PPIP5K1: variants seen among roughly 807,000 people sequenced by gnomAD.
The protein encoded by PPIP5K1 is diphosphoinositol pentakisphosphate kinase 1, also known as inositol hexakisphosphate and diphosphoinositol-pentakisphosphate kinase 1.
Under a neutral mutation model 27.7 loss-of-function variants are expected in PPIP5K1, and 6 were observed. The ratio of observed to expected loss-of-function variants is 0.22; its 90% CI spans 0.12 to 0.43. The LOEUF (loss-of-function observed/expected upper bound fraction) is 0.43, where lower values mean the gene tolerates loss of function less well. Ranked by LOEUF, PPIP5K1 falls within the 20% of genes least tolerant of loss-of-function variation. PPIP5K1 has a pLI of 1.00. For synonymous variants in PPIP5K1, 145 were observed against 242.6 expected (o/e 0.60, Z 3.74); for missense variants, 394 against 635.4 (o/e 0.62, Z 4.08).
intron 30 of PPIP5K1, among the ~76,000 whole-genome samples, chr15:43,540,386 A>G (rs1308292588): frequency 6.6e-6 from 1 of 152,034 alleles, no homozygotes; most frequent in East Asian, 1.9e-4. Flanking sequence ...CAACATGGAG[A>G]AACCCCGTCT....
intron 30 of PPIP5K1, among the ~76,000 whole-genome samples, chr15:43,551,689 G>A (rs1156496907): frequency 4.2e-4 from 50 of 118,800 alleles, no homozygotes; most frequent in Admixed American, 1.4e-3. Context: ...TGCAAGCTCC[G>A]CCTCCCGGGT....
intron 30 of PPIP5K1, among the ~76,000 whole-genome samples, chr15:43,550,538 T>A (rs952227297): frequency 6.6e-6 from 1 of 152,210 alleles, no homozygotes; most frequent in African/African-American, 2.4e-5. Context: ...GACTTCTTTG[T>A]GATTTTATAT....
chr15:43,548,871 G>GA lies in PPIP5K1; in HGVS notation c.3557-9289dup, dbSNP rs560378579. Among the ~76,000 whole-genome samples the GA allele has an allele frequency of 1.4e-4, 21 of 149,756 alleles. No homozygotes were observed. In the South Asian group the frequency reaches 4.0e-3, roughly 29 times the overall value. ...TGAAACCCTGTCTCTACTAAAATTA[G>GA]AAAAAAATTAGCTGGGCATGATGGC... On this transcript the variant is annotated intron_variant, in intron 30 of 31. Transcript: ENST00000420765.
chr15:43,551,003 A>G (rs2082119950), intron 30 of PPIP5K1, among the ~76,000 whole-genome samples: 1 of 152,148 alleles, frequency 6.6e-6, no homozygotes, highest in South Asian at 2.1e-4. Context: ...TTGGTTTGCT[A>G]GCATTTTGTT....
chr15:43,581,147 A>G, intron 9 of PPIP5K1, 24 bp from the exon 10 acceptor site: 2 of 1,557,748 alleles, frequency 1.3e-6, no homozygotes, highest in Non-Finnish European at 1.7e-6. Context: ...AAGAAAGATG[A>G]GAACAAGACA....
At chr15:43,558,711 C>G (rs1595867395) in intron 30 of PPIP5K1, 84 bp downstream of exon 30, 2 of 1,558,834 alleles carry the variant, frequency 1.3e-6, no homozygotes, top group East Asian at 4.5e-5. Context: ...GCCTAACTAG[C>G]TTTCTAATTT....
chr15:43,538,754 T>C (rs908746968), intron 31 of PPIP5K1, among the ~76,000 whole-genome samples: 1 of 152,068 alleles, frequency 6.6e-6, no homozygotes, highest in Non-Finnish European at 1.5e-5. Context: ...CCTCGTGATC[T>C]GCCCGCCTCG....
intron 31 of PPIP5K1, chr15:43,536,031 T>C (rs1264195924): frequency 8.5e-7 from 1 of 1,179,082 alleles, no homozygotes; most frequent in Non-Finnish European, 1.1e-6. Flanking sequence ...AATCAATGTA[T>C]TTCTGGGGCA....
intron 30 of PPIP5K1, among the ~76,000 whole-genome samples, chr15:43,545,959 C>G (rs2081321634): frequency 6.6e-6 from 1 of 151,820 alleles, no homozygotes; most frequent in South Asian, 2.1e-4. Context: ...GCCTATGGAG[C>G]AGCCATTCTT....
chr15:43,553,927 G>A (rs963219839), intron 30 of PPIP5K1, among the ~76,000 whole-genome samples: 4 of 152,158 alleles, frequency 2.6e-5, no homozygotes, highest in Non-Finnish European at 2.9e-5. Context: ...TTACAGGTGT[G>A]AGCCACCTCG....
At chr15:43,543,874 A>C (rs1464729787) in intron 30 of PPIP5K1, among the ~76,000 whole-genome samples, 1 of 151,724 alleles carries the variant, frequency 6.6e-6, no homozygotes, top group East Asian at 1.9e-4. Flanking sequence ...ATCACTATTA[A>C]CAATTAAACT....
chr15:43,547,526 T>C (rs772136940), intron 30 of PPIP5K1, among the ~76,000 whole-genome samples: 19 of 152,360 alleles, frequency 1.2e-4, no homozygotes, highest in Non-Finnish European at 2.2e-4. Context: ...TGAGTTAATA[T>C]TTTCATATGA....
intron 30 of PPIP5K1, among the ~76,000 whole-genome samples, chr15:43,551,637 C>G (rs2082214483): frequency 1.1e-5 from 1 of 94,952 alleles, no homozygotes; most frequent in Non-Finnish European, 1.9e-5. Context: ...GAGTCTCGCT[C>G]TGTCGCCCAG....
At chr15:43,540,526 G>T (rs570891632) in intron 30 of PPIP5K1, among the ~76,000 whole-genome samples, 38 of 151,318 alleles carry the variant, frequency 2.5e-4, no homozygotes, top group African/African-American at 9.0e-4. Context: ...GTGAAACCCC[G>T]TCTCTACTAA....
In PPIP5K1 at chr15:43,537,706, A is replaced by G. The variant is rs868634503; in HGVS notation, c.3670+1764T>C. The stretch of plus-strand genomic sequence containing the variant: ...TCCATCTCAAAAAAAAAAAAAAAAA[A>G]AGAGAGAGAGAGAGAGAGAGAGAGA... On this transcript the variant is annotated intron_variant, in intron 31 of 31. Transcript: ENST00000420765. Among the ~76,000 whole-genome samples the G allele has an allele frequency of 3.1e-3, 399 of 126,682 alleles. 7 individuals carry two copies. The highest frequency in any genetic ancestry group is 0.012 in the African/African-American group (344 of 28,762). The allele number at this position is 126,682 out of a possible 152,430, so 83.1% of individuals were successfully genotyped here. A position where few individuals can be genotyped will look rare whatever the true frequency, so the allele number is the denominator to read the frequency against.
At chr15:43,552,246 C>T (rs538970268) in intron 30 of PPIP5K1, among the ~76,000 whole-genome samples, 1 of 152,200 alleles carries the variant, frequency 6.6e-6, no homozygotes, top group Non-Finnish European at 1.5e-5. Flanking sequence ...TGAGCCACTA[C>T]ACCTGGCCCT....
chr15:43,558,935 G>A lies in PPIP5K1; in HGVS notation c.3419-3C>T, dbSNP rs1029307576. 1.2e-6 allele frequency: 2 copies of A among 1,613,172 alleles called. No individual in the cohort carries two copies. The highest frequency in any genetic ancestry group is 1.7e-6 in the Non-Finnish European group (2 of 1,179,974). ...CACCATGGAACACCCTTCAAACCCTGTTTGAAAAGAGATGGGCAAAGTCAA... is the reference window on the plus strand; with the variant it reads ...CACCATGGAACACCCTTCAAACCCTATTTGAAAAGAGATGGGCAAAGTCAA... On this transcript the variant is annotated splice_region_variant and splice_polypyrimidine_tract_variant and intron_variant, in intron 29 of 31. Coordinates refer to ENST00000420765, the MANE Select transcript of PPIP5K1 (RefSeq NM_001394395.1).
chr15:43,537,714 G>A lies in PPIP5K1; in HGVS notation c.3670+1756C>T, dbSNP rs1298937063. ...AAAAAAAAAAAAAAAAAAAGAGAGAGAGAGAGAGAGAGAGAGAAGATCATG... is the reference window on the plus strand; with the variant it reads ...AAAAAAAAAAAAAAAAAAAGAGAGAAAGAGAGAGAGAGAGAGAAGATCATG... On this transcript the variant is annotated intron_variant, in intron 31 of 31. Coordinates refer to ENST00000420765, the MANE Select transcript of PPIP5K1 (RefSeq NM_001394395.1). Among the ~76,000 whole-genome samples, 392 of 142,394 alleles carry A rather than the reference G, an allele frequency of 2.8e-3. 2 individuals are homozygous for A. Among genetic ancestry groups the A allele is most frequent in the African/African-American group, 0.01 (377 of 36,752 alleles). 93.4% of individuals were successfully genotyped at this position (142,394 alleles called of 152,430 possible).
chr15:43,543,101 C>G (rs1337445971), intron 30 of PPIP5K1, among the ~76,000 whole-genome samples: 2 of 151,564 alleles, frequency 1.3e-5, no homozygotes, highest in African/African-American at 2.4e-5. Flanking sequence ...TTGCCCTCAG[C>G]CATGCATTCC....
Sources: gnomAD v4.1 joint callset for allele counts (sites outside exome capture counted in the v4.1 genomes callset) on GRCh38, gnomAD v4.1.1 for gene constraint, MANE v1.5 for transcripts, NCBI Gene and HGNC (gene_info 2026-07-23, HGNC 2026-07-21) for gene names.